Variants in GRIK2 observed in about 807,000 individuals in gnomAD.
GRIK2 encodes glutamate ionotropic receptor kainate type subunit 2, also known as glutamate receptor ionotropic, kainate 2.
GRIK2 carries 32 observed loss-of-function variants against 100.3 expected under a neutral mutation model. The observed-to-expected ratio is 0.32, with a 90% CI of 0.24 to 0.43. The LOEUF (loss-of-function observed/expected upper bound fraction) is 0.43, where lower values mean the gene tolerates loss of function less well. GRIK2 is among the 20% of genes least tolerant of loss of function. GRIK2 has a pLI of 1.00. For synonymous variants in GRIK2, 417 were observed against 389.4 expected, an observed-to-expected ratio of 1.07 and a Z score of -0.83; for missense variants, 843 against 1,114.9, an observed-to-expected ratio of 0.76 and a Z score of 3.47.
At chr6:101,794,156 C>G (rs12211711) in intron 7 of GRIK2, among the ~76,000 whole-genome samples, 1 of 152,034 alleles carries the variant, frequency 6.6e-6, no homozygotes, top group African/African-American at 2.4e-5. Context: ...TGACCCCTTG[C>G]GCTTCCTGAG....
At chr6:101,901,921 G>A (rs1787871830) in intron 12 of GRIK2, among the ~76,000 whole-genome samples, 1 of 151,752 alleles carries the variant, frequency 6.6e-6, no homozygotes, top group Admixed American at 6.6e-5. Flanking sequence ...TACAATGTTA[G>A]GTACAAAAAT....
chr6:102,051,420 T>A (rs1171679172), intron 15 of GRIK2, among the ~76,000 whole-genome samples: 1 of 152,070 alleles, frequency 6.6e-6, no homozygotes, highest in African/African-American at 2.4e-5. Flanking sequence ...TATGGAGAAT[T>A]TGTTTAAATT....
At chr6:101,909,371 G>GTTTTTTTTTTTTTGT (rs370241149) in intron 12 of GRIK2, among the ~76,000 whole-genome samples, 1 of 83,536 alleles carries the variant, frequency 1.2e-5, no homozygotes, top group Non-Finnish European at 2.3e-5. Flanking sequence ...GGAAGATAGG[G>GTTTTTTTTTTTTTGT]TTTTCTTTTT....
At chr6:101,750,072 C>T (rs1219258229) in intron 7 of GRIK2, among the ~76,000 whole-genome samples, 1 of 151,738 alleles carries the variant, frequency 6.6e-6, no homozygotes, top group Non-Finnish European at 1.5e-5. Context: ...GCCTAGGCCT[C>T]CCAAGGTGCT....
chr6:101,672,985 C>T (rs888347503), intron 4 of GRIK2, among the ~76,000 whole-genome samples: 1 of 152,230 alleles, frequency 6.6e-6, no homozygotes, highest in Middle Eastern at 3.4e-3. Flanking sequence ...TAAGAAATCT[C>T]CAGACTGCTT....
At chr6:101,828,515 T>C (rs1239365303) in intron 10 of GRIK2, among the ~76,000 whole-genome samples, 1 of 151,798 alleles carries the variant, frequency 6.6e-6, no homozygotes, top group East Asian at 1.9e-4. Flanking sequence ...AACATTGATA[T>C]ACTGCTAGCT....
chr6:101,496,034 C>T (rs1773425263), intron 2 of GRIK2, among the ~76,000 whole-genome samples: 1 of 152,110 alleles, frequency 6.6e-6, no homozygotes, highest in Admixed American at 6.6e-5. Flanking sequence ...CAACCTCTGC[C>T]TCCTGGGTTC....
intron 2 of GRIK2, among the ~76,000 whole-genome samples, chr6:101,527,203 G>C (rs980171654): frequency 6.6e-6 from 1 of 152,146 alleles, no homozygotes; most frequent in African/African-American, 2.4e-5. Flanking sequence ...CTCTAGATCA[G>C]TCACATGTTT....
chr6:101,711,042 C>A (rs1210503422), intron 7 of GRIK2, among the ~76,000 whole-genome samples: 9 of 151,762 alleles, frequency 5.9e-5, no homozygotes. Flanking sequence ...ATAGCCACTT[C>A]TCCCTTGATG....
chr6:101,500,884 TAA>T (rs1017883958), intron 2 of GRIK2, among the ~76,000 whole-genome samples: 8 of 152,086 alleles, frequency 5.3e-5, no homozygotes, highest in Admixed American at 5.2e-4. Context: ...TAAATGAATA[TAA>T]GTTATTCCAA....
chr6:101,891,314 T>G (rs755515115), intron 12 of GRIK2, among the ~76,000 whole-genome samples: 17 of 151,764 alleles, frequency 1.1e-4, no homozygotes, highest in Admixed American at 9.2e-4. Context: ...GTCAGGAGAT[T>G]GAGACCATCC....
intron 1 of GRIK2, among the ~76,000 whole-genome samples, chr6:101,396,685 G>C (rs958406486): frequency 1.3e-5 from 2 of 151,900 alleles, no homozygotes; most frequent in Non-Finnish European, 2.9e-5. Context: ...CAAATATCAT[G>C]TTAGTTATTT....
intron 7 of GRIK2, among the ~76,000 whole-genome samples, chr6:101,726,748 A>G (rs1351506259): frequency 1.3e-5 from 2 of 152,026 alleles, no homozygotes; most frequent in African/African-American, 4.8e-5. Flanking sequence ...TGGTCAAATT[A>G]CGTGTCTTTT....
At chr6:101,818,826 A>G (rs1292354716) in intron 10 of GRIK2, among the ~76,000 whole-genome samples, 1 of 152,222 alleles carries the variant, frequency 6.6e-6, no homozygotes, top group Admixed American at 6.5e-5. Context: ...GTGATGAGCC[A>G]AAAGTGAACT....
chr6:101,767,019 C>T (rs1038443983), intron 7 of GRIK2, among the ~76,000 whole-genome samples: 1 of 152,114 alleles, frequency 6.6e-6, no homozygotes, highest in Non-Finnish European at 1.5e-5. Context: ...TGGTGCCTAA[C>T]TCCTACTTCT....
rs150313222 is a variant in GRIK2, at chr6:102,031,605, C to G, written c.2086-3736C>G. Among the ~76,000 whole-genome samples, 292 of 151,188 alleles carry G rather than the reference C, an allele frequency of 1.9e-3. 3 individuals are homozygous for G. The East Asian group carries it at 0.041, about 21-fold the overall frequency. ...GCATAGTCTGCAATATGTTTTCAAC[C>G]GTTGCCCCCATCATCTTCCTCCCTT... On this transcript the variant is annotated intron_variant, in intron 14 of 16. Coordinates refer to ENST00000369134, the MANE Select transcript of GRIK2 (RefSeq NM_021956.5).
At chr6:101,525,275 T>C (rs1775093968) in intron 2 of GRIK2, among the ~76,000 whole-genome samples, 1 of 152,186 alleles carries the variant, frequency 6.6e-6, no homozygotes, top group Non-Finnish European at 1.5e-5. Context: ...AATGATAGTT[T>C]ATGTTTAGGA....
At chr6:101,510,786 T>C (rs1051449981) in intron 2 of GRIK2, among the ~76,000 whole-genome samples, 3 of 151,690 alleles carry the variant, frequency 2.0e-5, no homozygotes, top group Non-Finnish European at 4.4e-5. Flanking sequence ...CCTCCCAAAG[T>C]GCTGGGATTA....
intron 2 of GRIK2, among the ~76,000 whole-genome samples, chr6:101,561,049 C>T (rs551078988): frequency 1.6e-4 from 25 of 152,182 alleles, no homozygotes; most frequent in African/African-American, 5.8e-4. Flanking sequence ...AGTAATGAGA[C>T]AAAAGATAGC....
Sources: allele counts gnomAD v4.1 joint callset (sites outside exome capture counted in the v4.1 genomes callset), GRCh38; gene constraint gnomAD v4.1.1; transcripts MANE v1.5; gene names NCBI Gene and HGNC (gene_info 2026-07-23, HGNC 2026-07-21).